The following FBXL13 variants were observed in gnomAD, a reference collection of about 807,000 sequenced individuals.
FBXL13 encodes F-box and leucine rich repeat protein 13, also known as F-box and leucine-rich repeat protein 13.
Under a neutral mutation model 83.6 loss-of-function variants are expected in FBXL13, and 67 were observed. The observed-to-expected ratio is 0.80, with a 90% CI of 0.66 to 0.98. FBXL13 has a LOEUF of 0.98. Ranked by LOEUF, FBXL13 falls within the 50% of genes least tolerant of loss-of-function variation. The pLI is 0.00. For missense variants in FBXL13, 822 were observed against 866.5 expected (o/e 0.95, Z 0.64); for synonymous variants, 272 against 299.5 (o/e 0.91, Z 0.95).
At chr7:102,916,810 T>C (rs1815974794) in intron 10 of FBXL13, among the ~76,000 whole-genome samples, 1 of 151,846 alleles carries the variant, frequency 6.6e-6, no homozygotes, top group Admixed American at 6.6e-5. Flanking sequence ...GTGTGAGTCC[T>C]CTCTTTGTGA....
chr7:102,886,059 T>A (rs1476583958), intron 11 of FBXL13, among the ~76,000 whole-genome samples: 1 of 152,224 alleles, frequency 6.6e-6, no homozygotes, highest in African/African-American at 2.4e-5. Context: ...TCAACTATCA[T>A]TATCCACATT....
chr7:103,037,752 A>T (rs1795213254), intron 2 of FBXL13, among the ~76,000 whole-genome samples: 2 of 152,068 alleles, frequency 1.3e-5, no homozygotes, highest in African/African-American at 4.8e-5. Context: ...GGTTACAATG[A>T]ACTATGATCA....
chr7:103,031,527 CA>C (rs1165676291), intron 2 of FBXL13, among the ~76,000 whole-genome samples: 1 of 152,194 alleles, frequency 6.6e-6, no homozygotes, highest in Non-Finnish European at 1.5e-5. Context: ...AGTGGATAAA[CA>C]GCAAGTTAGT....
At chr7:102,914,347 A>G (rs1043927540) in intron 10 of FBXL13, among the ~76,000 whole-genome samples, 15 of 152,208 alleles carry the variant, frequency 9.9e-5, no homozygotes, top group African/African-American at 3.6e-4. Context: ...TGCTCGGAAC[A>G]GGCATGAGCC....
At chr7:103,005,916 T>C (rs1211812674) in intron 6 of FBXL13, among the ~76,000 whole-genome samples, 1 of 152,158 alleles carries the variant, frequency 6.6e-6, no homozygotes, top group Non-Finnish European at 1.5e-5. Flanking sequence ...TAAAGTTGGC[T>C]ACCATGCAAG....
At chr7:102,841,531 G>C (rs10240546) in intron 17 of FBXL13, among the ~76,000 whole-genome samples, 5,562 of 152,198 alleles carry the variant, frequency 0.037, 352 homozygotes, top group African/African-American at 0.13. Flanking sequence ...CTGTTTTTCG[G>C]CCAAGAAAAC....
At chr7:102,926,800 T>C (rs556393581) in intron 9 of FBXL13, among the ~76,000 whole-genome samples, 7 of 152,378 alleles carry the variant, frequency 4.6e-5, no homozygotes, top group South Asian at 4.1e-4. Context: ...AATGGAACTT[T>C]AGTAACAGTC....
At chr7:102,872,422 C>A (rs189593368) in intron 16 of FBXL13, among the ~76,000 whole-genome samples, 1 of 152,174 alleles carries the variant, frequency 6.6e-6, no homozygotes, top group Non-Finnish European at 1.5e-5. Context: ...CCAGGACCTA[C>A]ATAACAGGCG....
chr7:102,861,093 G>GC (rs1237142311), intron 16 of FBXL13, among the ~76,000 whole-genome samples: 1 of 151,762 alleles, frequency 6.6e-6, no homozygotes, highest in East Asian at 1.9e-4. Flanking sequence ...TATTTCATGT[G>GC]CATCTCCTTA....
At chr7:102,856,780 A>G (rs1021364267) in intron 16 of FBXL13, among the ~76,000 whole-genome samples, 1 of 152,224 alleles carries the variant, frequency 6.6e-6, no homozygotes, top group Non-Finnish European at 1.5e-5. Flanking sequence ...TGGAACTCTC[A>G]TATACTGCTA....
intron 11 of FBXL13, among the ~76,000 whole-genome samples, chr7:102,911,367 T>G (rs541773555): frequency 4.6e-5 from 7 of 152,168 alleles, no homozygotes; most frequent in Non-Finnish European, 1.0e-4. Flanking sequence ...TGAGGAGGGT[T>G]TAAGCACAAC....
chr7:103,054,407 A>AAG (rs1325021009), intron 2 of FBXL13, among the ~76,000 whole-genome samples: 49 of 151,476 alleles, frequency 3.2e-4, no homozygotes, highest in African/African-American at 1.1e-3. Flanking sequence ...AAAAAAAAAA[A>AAG]AGAGAGAGAG....
At chr7:102,907,054 C>A (rs1192597487) in intron 11 of FBXL13, among the ~76,000 whole-genome samples, 3 of 152,010 alleles carry the variant, frequency 2.0e-5, no homozygotes, top group Admixed American at 1.3e-4. Flanking sequence ...CTCACTGCAA[C>A]CTCCACCTCC....
At chr7:103,037,842 C>G (rs927943451) in intron 2 of FBXL13, among the ~76,000 whole-genome samples, 1 of 151,940 alleles carries the variant, frequency 6.6e-6, no homozygotes, top group Non-Finnish European at 1.5e-5. Context: ...CCAAGATGGC[C>G]GAATAGAAAC....
chr7:102,845,048 G>C (rs573381681), intron 17 of FBXL13, among the ~76,000 whole-genome samples: 1 of 152,184 alleles, frequency 6.6e-6, no homozygotes, highest in African/African-American at 2.4e-5. Flanking sequence ...GGATGTGTTC[G>C]CCAACCTGGA....
chr7:102,882,968 C>T (rs1810309381), intron 14 of FBXL13, among the ~76,000 whole-genome samples: 1 of 151,956 alleles, frequency 6.6e-6, no homozygotes, highest in African/African-American at 2.4e-5. Flanking sequence ...TCTTCATAAG[C>T]AAGTCAGAAA....
At chr7:103,055,575 G>C (rs1453771169) in intron 2 of FBXL13, 69 bp downstream of exon 2, 2 of 617,030 alleles carry the variant, frequency 3.2e-6, no homozygotes, top group Admixed American at 6.8e-5. Context: ...ACCTTATTTT[G>C]TTACTATGCA....
rs1358081368 is a variant in FBXL13 at position 103,018,402 on chromosome 7, A to T, written c.495+6661T>A. On this transcript the variant is annotated intron_variant, in intron 6 of 19. Transcript: ENST00000313221. ...ATTGGAAAAACCATCGATGTTAGAA[A>T]GAAACTGCATCAACTAATGAGCAAA... is the stretch of plus-strand genomic sequence containing the variant. Among the ~76,000 whole-genome samples the T allele has an allele frequency of 4.6e-5, 7 of 152,254 alleles. No individual in the cohort carries two copies. The East Asian group carries it at 1.2e-3, about 25-fold the overall frequency.
chr7:103,003,252 T>TTTG (rs1188304226), intron 6 of FBXL13, among the ~76,000 whole-genome samples: 40 of 151,240 alleles, frequency 2.6e-4, no homozygotes, highest in African/African-American at 6.1e-4. Context: ...TTTAAGTGTG[T>TTTG]TTGTTGTTGT....
Sources: allele counts gnomAD v4.1 joint callset (sites outside exome capture counted in the v4.1 genomes callset), GRCh38; gene constraint gnomAD v4.1.1; transcripts MANE v1.5; gene names NCBI Gene and HGNC (gene_info 2026-07-23, HGNC 2026-07-21).